The following RPRD1A variants were observed in gnomAD, a reference collection of about 807,000 sequenced individuals.
The protein encoded by RPRD1A is regulation of nuclear pre-mRNA domain-containing protein 1A.
A neutral mutation model predicts 37.8 loss-of-function variants in RPRD1A; 9 were observed. That is an observed-to-expected ratio of 0.24 (90% CI 0.14 to 0.42). The LOEUF is 0.42. Among genes scored for constraint, RPRD1A ranks in the 10% least tolerant of loss-of-function variants. The pLI is 1.00. For missense variants in RPRD1A, 255 were observed against 371.0 expected, an observed-to-expected ratio of 0.69 and a Z score of 2.57; for synonymous variants, 138 against 139.7, an observed-to-expected ratio of 0.99 and a Z score of 0.08.
At chr18:36,060,319 G>A (rs931408594) in intron 1 of RPRD1A, among the ~76,000 whole-genome samples, 3 of 152,040 alleles carry the variant, frequency 2.0e-5, no homozygotes, top group Admixed American at 6.6e-5. Context: ...TATAGTCCCA[G>A]CTACTTGGGA....
Position 35,990,790 on chromosome 18 carries a change from T to C in RPRD1A, c.*2361A>G, listed in dbSNP as rs1417320621. ...CAACTAATCCCATTTCTTGAGAAAATGAAGTCTTCCTTTTAGGAAGAATGT... is the reference window on the plus strand; with the variant it reads ...CAACTAATCCCATTTCTTGAGAAAACGAAGTCTTCCTTTTAGGAAGAATGT... On this transcript the variant is annotated 3_prime_UTR_variant, in exon 7 of 7. Transcript: ENST00000399022. The C allele has an allele frequency of 6.6e-6, 1 of 152,174 alleles. No homozygotes were observed. Among genetic ancestry groups the C allele is most frequent in the East Asian group, 1.9e-4 (1 of 5,202 alleles). The allele number at this position is 152,174 out of a possible 1,614,324, so 9.4% of individuals were successfully genotyped here. A position where few individuals can be genotyped will look rare whatever the true frequency, so the allele number is the denominator to read the frequency against.
In RPRD1A at chr18:36,030,797, A is replaced by G; in HGVS notation, c.486+11T>C. Reference sequence around the variant, plus strand: ...AAGTTTGTAACTCTTTTAACAGGGTAAAATTTCTACCTGTGGTGGTTCACT... The same window carrying G: ...AAGTTTGTAACTCTTTTAACAGGGTGAAATTTCTACCTGTGGTGGTTCACT... On this transcript the variant is annotated intron_variant, in intron 4 of 6. Transcript: ENST00000399022. 1 of 1,559,554 alleles carries G rather than the reference A, an allele frequency of 6.4e-7. No individual in the cohort carries two copies.
At chr18:36,048,558 C>T (rs371580156) in intron 1 of RPRD1A, among the ~76,000 whole-genome samples, 2 of 151,482 alleles carry the variant, frequency 1.3e-5, no homozygotes, top group East Asian at 1.9e-4. Context: ...GCAGAAGAGG[C>T]TTCTGACAAA....
chr18:36,045,534 A>T (rs1416964734), intron 1 of RPRD1A, among the ~76,000 whole-genome samples: 1 of 152,194 alleles, frequency 6.6e-6, no homozygotes, highest in East Asian at 1.9e-4. Flanking sequence ...GCAGCCTGGG[A>T]ACAATACTTT....
chr18:36,061,983 G>A (rs2088919913), intron 1 of RPRD1A, among the ~76,000 whole-genome samples: 1 of 152,166 alleles, frequency 6.6e-6, no homozygotes, highest in South Asian at 2.1e-4. Flanking sequence ...TAGCAAGGAT[G>A]TAGAAAAACT....
chr18:36,005,275 T>C (rs930971919), intron 6 of RPRD1A, among the ~76,000 whole-genome samples: 11 of 152,088 alleles, frequency 7.2e-5, no homozygotes, highest in African/African-American at 2.7e-4. Flanking sequence ...CACTCCAGCC[T>C]GGGCAACAGA....
intron 6 of RPRD1A, among the ~76,000 whole-genome samples, chr18:35,998,897 T>C (rs1347490008): frequency 4.6e-5 from 7 of 152,184 alleles, no homozygotes; most frequent in Non-Finnish European, 8.8e-5. Flanking sequence ...GTGACTTGCC[T>C]TGTGTGCACT....
intron 6 of RPRD1A, among the ~76,000 whole-genome samples, chr18:36,020,967 CTT>C (rs1330780395): frequency 6.6e-6 from 1 of 152,164 alleles, no homozygotes; most frequent in African/African-American, 2.4e-5. Flanking sequence ...AGGGCTAAGT[CTT>C]TTGCTTAAGT....
chr18:36,065,137 G>A (rs756316358), intron 1 of RPRD1A, among the ~76,000 whole-genome samples: 1 of 152,178 alleles, frequency 6.6e-6, no homozygotes, highest in East Asian at 1.9e-4. Context: ...CTTCATTCTT[G>A]AAGTCAGCGA....
chr18:36,046,909 A>G (rs1463381830), intron 1 of RPRD1A, among the ~76,000 whole-genome samples: 1 of 150,920 alleles, frequency 6.6e-6, no homozygotes, highest in African/African-American at 2.4e-5. Context: ...AAATCACCCC[A>G]TATCAAGAAC....
chr18:36,035,988 G>A (rs1278591166), intron 1 of RPRD1A, among the ~76,000 whole-genome samples: 1 of 152,098 alleles, frequency 6.6e-6, no homozygotes, highest in Non-Finnish European at 1.5e-5. Context: ...TTTGCAAAAT[G>A]AACAGTTCTG....
intron 4 of RPRD1A, 143 bp from the exon 5 acceptor site, chr18:36,027,453 C>T (rs905476564): frequency 2.5e-6 from 2 of 798,768 alleles, no homozygotes; most frequent in South Asian, 1.9e-5. Context: ...CAATCAATTT[C>T]TTTCATATGT....
chr18:36,019,538 C>T (rs1910847973), intron 6 of RPRD1A, among the ~76,000 whole-genome samples: 1 of 152,132 alleles, frequency 6.6e-6, no homozygotes, highest in Non-Finnish European at 1.5e-5. Flanking sequence ...ATGACAACCA[C>T]TTAGACAGGG....
At chr18:36,032,440 G>A (rs565126583) in intron 2 of RPRD1A, among the ~76,000 whole-genome samples, 38 of 152,334 alleles carry the variant, frequency 2.5e-4, no homozygotes, top group African/African-American at 6.7e-4. Context: ...GCGAGACAGA[G>A]GTCTGGGGAG....
intron 6 of RPRD1A, chr18:36,025,341 C>T (rs899141594): frequency 3.4e-6 from 1 of 291,032 alleles, no homozygotes; most frequent in African/African-American, 2.2e-5. Context: ...TAGTACCTGA[C>T]ACATGAATGT....
At chr18:36,045,007 A>C (rs760532060) in intron 1 of RPRD1A, among the ~76,000 whole-genome samples, 56 of 152,318 alleles carry the variant, frequency 3.7e-4, no homozygotes, top group Non-Finnish European at 2.6e-4. Flanking sequence ...TGGGAGGCCA[A>C]AGTGGGTGGA....
intron 6 of RPRD1A, among the ~76,000 whole-genome samples, chr18:36,003,999 A>ATTT (rs1909581671): frequency 8.5e-6 from 1 of 118,136 alleles, no homozygotes; most frequent in Non-Finnish European, 1.7e-5. Flanking sequence ...ACAGACACAG[A>ATTT]CTTTTTTTTT....
chr18:35,991,519 T>C lies in RPRD1A; in HGVS notation c.*1632A>G, dbSNP rs1382825109. 1 of 152,216 alleles carries C rather than the reference T, an allele frequency of 6.6e-6. No individual in the cohort carries two copies. Among genetic ancestry groups the C allele is most frequent in the East Asian group, 1.9e-4 (1 of 5,202 alleles). The allele number at this position is 152,216 out of a possible 1,614,324, so 9.4% of individuals were successfully genotyped here. ...CCACGTTACAAGTGAAGGACATTCA[T>C]GGTTAGGTGGATTCAGTTCCCAGGT... On this transcript the variant is annotated 3_prime_UTR_variant, in exon 7 of 7. Transcript: ENST00000399022.
intron 6 of RPRD1A, among the ~76,000 whole-genome samples, chr18:36,005,059 T>C (rs543213966): frequency 6.6e-6 from 1 of 152,364 alleles, no homozygotes; most frequent in South Asian, 2.1e-4. Flanking sequence ...CCCAGCGTTT[T>C]GGGAGGCCGA....
Sources: gnomAD v4.1 joint callset for allele counts (sites outside exome capture counted in the v4.1 genomes callset) on GRCh38, gnomAD v4.1.1 for gene constraint, MANE v1.5 for transcripts, NCBI Gene and HGNC (gene_info 2026-07-23, HGNC 2026-07-21) for gene names.